The following PCDH15 variants were observed in gnomAD, a reference collection of about 807,000 sequenced individuals.
PCDH15 encodes the protein protocadherin related 15, also known as protocadherin-15.
In PCDH15, 129 loss-of-function variants were observed where a neutral mutation model predicts 178.5. The observed-to-expected ratio is 0.72, with a 90% CI of 0.63 to 0.84. PCDH15 has a LOEUF of 0.84. Among genes scored for constraint, PCDH15 ranks in the 40% least tolerant of loss-of-function variants. The pLI, the probability that PCDH15 is intolerant of heterozygous loss-of-function variation, is 0.00. For synonymous variants in PCDH15, 800 were observed against 732.0 expected (o/e 1.09, Z -1.50); for missense variants, 2,230 against 2,099.9 (o/e 1.06, Z -1.21).
chr10:54,962,991 G>T (rs774137143), intron 2 of PCDH15, among the ~76,000 whole-genome samples: 3 of 152,190 alleles, frequency 2.0e-5, no homozygotes, highest in African/African-American at 7.2e-5. Context: ...AGAAGATACA[G>T]GCTTGACTAC....
intron 1 of PCDH15, among the ~76,000 whole-genome samples, chr10:55,175,061 T>C (rs1455421216): frequency 6.6e-6 from 1 of 151,558 alleles, no homozygotes; most frequent in African/African-American, 2.4e-5. Context: ...TTCCATATAG[T>C]GCCAAGAAAG....
intron 3 of PCDH15, among the ~76,000 whole-genome samples, chr10:54,883,797 A>C (rs1462871764): frequency 1.3e-5 from 2 of 152,026 alleles, no homozygotes; most frequent in Non-Finnish European, 2.9e-5. Context: ...TTCTTCAGCT[A>C]TCAGTTAATA....
intron 1 of PCDH15, among the ~76,000 whole-genome samples, chr10:54,767,037 C>G (rs1397321564): frequency 1.3e-5 from 2 of 152,030 alleles, no homozygotes; most frequent in Non-Finnish European, 2.9e-5. Context: ...ACCATAAATG[C>G]TATATTTTAA....
intron 2 of PCDH15, among the ~76,000 whole-genome samples, chr10:55,326,034 A>C (rs1216515610): frequency 6.6e-6 from 1 of 152,166 alleles, no homozygotes; most frequent in African/African-American, 2.4e-5. Context: ...CAAAGCCAAA[A>C]AGTGATATCA....
chr10:54,602,381 G>T (rs541036396), intron 2 of PCDH15, among the ~76,000 whole-genome samples: 2 of 151,880 alleles, frequency 1.3e-5, no homozygotes, highest in African/African-American at 2.4e-5. Context: ...TAGCATTTTT[G>T]GTTGTCATTG....
intron 2 of PCDH15, among the ~76,000 whole-genome samples, chr10:55,160,120 C>A (rs1273362438): frequency 6.6e-6 from 1 of 152,028 alleles, no homozygotes; most frequent in Non-Finnish European, 1.5e-5. Flanking sequence ...TGATCCAGTT[C>A]TGGGTCATAA....
Position 54,141,459 on chromosome 10 carries a change from T to C in PCDH15, c.1785-8452A>G, listed in dbSNP as rs191500965. Among the ~76,000 whole-genome samples the C allele has an allele frequency of 9.5e-4, 144 of 152,342 alleles. 1 individual carries two copies. Among genetic ancestry groups the C allele is most frequent in the African/African-American group, 1.5e-3 (62 of 41,586 alleles). ...GTAGATGAGAATAGAAGTGTTTAAA[T>C]GATGTTTATTTCCAATGTAATTCAA... On this transcript the variant is annotated intron_variant, in intron 14 of 37. Coordinates refer to ENST00000644397, the MANE Select transcript of PCDH15 (RefSeq NM_001384140.1).
At chr10:55,547,169 C>T (rs1841902949) in intron 2 of PCDH15, among the ~76,000 whole-genome samples, 1 of 152,058 alleles carries the variant, frequency 6.6e-6, no homozygotes. Flanking sequence ...TGCAGCAGAT[C>T]CCGAAGTTGC....
intron 3 of PCDH15, among the ~76,000 whole-genome samples, chr10:54,497,740 G>T (rs2080268670): frequency 6.6e-6 from 1 of 151,816 alleles, no homozygotes; most frequent in Admixed American, 6.6e-5. Flanking sequence ...AATTAATGCA[G>T]GCCGAAAAAA....
chr10:55,424,873 A>C (rs1838713373), intron 2 of PCDH15, among the ~76,000 whole-genome samples: 1 of 149,630 alleles, frequency 6.7e-6, no homozygotes, highest in Admixed American at 6.7e-5. Flanking sequence ...ATCGTATTGC[A>C]ACAGTTGATG....
chr10:53,889,281 G>GA (rs1179649535), intron 26 of PCDH15, among the ~76,000 whole-genome samples: 2 of 151,958 alleles, frequency 1.3e-5, no homozygotes, highest in African/African-American at 2.4e-5. Flanking sequence ...CATACCTTGG[G>GA]AGACGATATA....
rs562591665 is a variant in PCDH15 at position 54,513,086 on chromosome 10, GA to G, written c.157+14725del. 1.1e-4 allele frequency among the ~76,000 whole-genome samples: 16 copies of G among 151,706 alleles called. No individual in the cohort carries two copies. The East Asian group carries it at 2.9e-3, about 28-fold the overall frequency. On this transcript the variant is annotated intron_variant, in intron 3 of 37. Transcript: ENST00000644397. ...TGAATAATCAGATTTTTCATTTTAT[GA>G]AATATTCTTAAATGTACAAAACATT...
intron 2 of PCDH15, among the ~76,000 whole-genome samples, chr10:55,526,981 G>C (rs1314973404): frequency 6.6e-6 from 1 of 152,008 alleles, no homozygotes; most frequent in Non-Finnish European, 1.5e-5. Flanking sequence ...TTTTTATTAT[G>C]TATAAAGAAG....
chr10:54,844,126 A>G (rs1564561821), intron 3 of PCDH15, among the ~76,000 whole-genome samples: 1 of 152,030 alleles, frequency 6.6e-6, no homozygotes, highest in Non-Finnish European at 1.5e-5. Flanking sequence ...AAGGCTAATT[A>G]TATCTACACA....
chr10:55,159,664 TTA>T (rs1839007771), intron 2 of PCDH15, among the ~76,000 whole-genome samples: 3 of 147,686 alleles, frequency 2.0e-5, no homozygotes. Flanking sequence ...AGAGATATAA[TTA>T]TATATCTTTA....
At chr10:55,272,076 T>C (rs533534507) in intron 1 of PCDH15, among the ~76,000 whole-genome samples, 153 of 152,180 alleles carry the variant, frequency 1.0e-3, no homozygotes, top group Non-Finnish European at 1.9e-3. Flanking sequence ...TATACCTATG[T>C]GTTTTTTCTA....
chr10:54,288,847 A>G (rs1377921159), intron 8 of PCDH15, among the ~76,000 whole-genome samples: 1 of 152,206 alleles, frequency 6.6e-6, no homozygotes, highest in East Asian at 1.9e-4. Context: ...GAGTAGGTAA[A>G]CAAAGCAGCC....
chr10:55,174,821 T>C (rs1839432719), intron 1 of PCDH15, among the ~76,000 whole-genome samples: 1 of 152,184 alleles, frequency 6.6e-6, no homozygotes, highest in African/African-American at 2.4e-5. Context: ...AAGAGATGCC[T>C]TGTGAATATG....
chr10:54,223,071 G>C (rs1490458967), intron 9 of PCDH15, among the ~76,000 whole-genome samples: 1 of 151,956 alleles, frequency 6.6e-6, no homozygotes, highest in East Asian at 1.9e-4. Flanking sequence ...CAGCACTTTC[G>C]AAGGCTGAGG....
Sources: gnomAD v4.1 joint callset for allele counts (sites outside exome capture counted in the v4.1 genomes callset) on GRCh38, gnomAD v4.1.1 for gene constraint, MANE v1.5 for transcripts, NCBI Gene and HGNC (gene_info 2026-07-23, HGNC 2026-07-21) for gene names.